The following ARMH3 variants were observed in gnomAD, a reference collection of about 807,000 sequenced individuals.
ARMH3 encodes armadillo like helical domain containing 3.
ARMH3 carries 60 observed loss-of-function variants against 99.1 expected under a neutral mutation model. That is an observed-to-expected ratio of 0.61 (90% CI 0.49 to 0.75). ARMH3 has a LOEUF of 0.75. Ranked by LOEUF, ARMH3 falls within the 30% of genes least tolerant of loss-of-function variation. The pLI, the probability that ARMH3 is intolerant of heterozygous loss-of-function variation, is 0.00. For missense variants in ARMH3, 679 were observed against 843.1 expected (o/e 0.81, Z 2.41); for synonymous variants, 285 against 292.8 (o/e 0.97, Z 0.27).
chr10:101,957,656 G>T lies in ARMH3; in HGVS notation c.1572C>A (p.Ala524=). 1.9e-6 allele frequency: 3 copies of T among 1,608,846 alleles called. No homozygotes were observed. Among genetic ancestry groups the T allele is most frequent in the Non-Finnish European group, 2.5e-6 (3 of 1,178,350 alleles). The stretch of plus-strand genomic sequence containing the variant: ...TATTTGTTTTGATACTCACCATAAG[G>T]GCTAATGTAAAAATGTTGTGTTTGG... ...LLAKHNIFTL[A]LMIVNLFNMF... Residue 524 remains alanine, a synonymous_variant, in exon 21 of 26, where the codon GCC becomes GCA. Coordinates refer to ENST00000370033, the MANE Select transcript of ARMH3 (RefSeq NM_024541.3).
chr10:102,033,795 TTG>T (rs2067189815), intron 2 of ARMH3, among the ~76,000 whole-genome samples: 1 of 152,192 alleles, frequency 6.6e-6, no homozygotes, highest in Non-Finnish European at 1.5e-5. Flanking sequence ...ACTTATCTCT[TTG>T]TGTTTTTTTT....
Position 101,865,702 on chromosome 10 carries a change from T to C in ARMH3, c.1861-15810A>G, listed in dbSNP as rs964272467. Reference sequence around the variant, plus strand: ...TGGGGTTTCCCCATGCTGGCCAGGCTGGTCTTGAACTCCTGACCTCAGATG... The same window carrying C: ...TGGGGTTTCCCCATGCTGGCCAGGCCGGTCTTGAACTCCTGACCTCAGATG... On this transcript the variant is annotated intron_variant, in intron 24 of 25. Coordinates refer to ENST00000370033, the MANE Select transcript of ARMH3 (RefSeq NM_024541.3). 3.3e-5 allele frequency among the ~76,000 whole-genome samples: 5 copies of C among 151,618 alleles called. No homozygotes were observed. In the East Asian group the frequency reaches 1.0e-3, roughly 30 times the overall value.
In ARMH3 at chr10:101,956,667, G is replaced by A. The variant is rs1305034629; in HGVS notation, c.1635C>T (p.Pro545=). The change falls in exon 22 of 26, where the codon CCC becomes CCT. Residue 545 remains proline (P), a synonymous_variant. Transcript: ENST00000370033. ...ITYGDTFLPT[P]SSYDELYYEI... ...CATAGTAAAGTTCATCATAGCTGCT[G>A]GGGGTTGGCAGAAATGTGTCGCCAT... 1.2e-6 allele frequency: 2 copies of A among 1,613,738 alleles called. No individual in the cohort carries two copies. Among genetic ancestry groups the A allele is most frequent in the Non-Finnish European group, 1.7e-6 (2 of 1,179,674 alleles).
At chr10:101,996,993 A>G (rs4291608) in intron 15 of ARMH3, among the ~76,000 whole-genome samples, 107,965 of 152,078 alleles carry the variant, frequency 0.71, 39,840 homozygotes, top group African/African-American at 0.92. Flanking sequence ...GGCTGGGCTC[A>G]GTGGCTCACA....
intron 23 of ARMH3, among the ~76,000 whole-genome samples, chr10:101,932,409 T>C (rs1843758749): frequency 6.6e-6 from 1 of 152,246 alleles, no homozygotes; most frequent in African/African-American, 2.4e-5. Flanking sequence ...ATAACACTTC[T>C]GGGTACATAC....
chr10:101,961,486 T>C (rs932237670), intron 20 of ARMH3, among the ~76,000 whole-genome samples: 2 of 152,174 alleles, frequency 1.3e-5, no homozygotes, highest in African/African-American at 4.8e-5. Flanking sequence ...AATATGGGTA[T>C]AAACAATTAA....
chr10:101,923,085 C>T (rs1437715510), intron 23 of ARMH3, among the ~76,000 whole-genome samples: 1 of 152,050 alleles, frequency 6.6e-6, no homozygotes, highest in Non-Finnish European at 1.5e-5. Context: ...AACAGGAGCC[C>T]ACTTTGCTAG....
At chr10:101,970,662 A>T (rs1290943604) in intron 20 of ARMH3, among the ~76,000 whole-genome samples, 1 of 151,982 alleles carries the variant, frequency 6.6e-6, no homozygotes, top group Non-Finnish European at 1.5e-5. Flanking sequence ...TCTCTAAAAA[A>T]AAAAATACAA....
chr10:101,992,194 T>C (rs986502532), intron 17 of ARMH3, among the ~76,000 whole-genome samples, 156 bp from the exon 18 acceptor site: 1 of 152,136 alleles, frequency 6.6e-6, no homozygotes, highest in Non-Finnish European at 1.5e-5. Flanking sequence ...TGAGGTAGCA[T>C]GGGATGAGGC....
intron 24 of ARMH3, among the ~76,000 whole-genome samples, chr10:101,882,586 G>C (rs1353031884): frequency 6.6e-6 from 1 of 152,198 alleles, no homozygotes; most frequent in Non-Finnish European, 1.5e-5. Flanking sequence ...TGCAATCTCT[G>C]CCTCTCAAGT....
At chr10:101,954,929 T>C (rs938094793) in intron 22 of ARMH3, among the ~76,000 whole-genome samples, 6 of 152,212 alleles carry the variant, frequency 3.9e-5, no homozygotes, top group Non-Finnish European at 7.3e-5. Flanking sequence ...TATGGCCCAG[T>C]TGAGCAGGTA....
intron 23 of ARMH3, among the ~76,000 whole-genome samples, chr10:101,892,624 A>T (rs1032183407): frequency 1.3e-5 from 2 of 152,210 alleles, no homozygotes; most frequent in Non-Finnish European, 2.9e-5. Context: ...CTTAAAAAAA[A>T]ATACCAATCC....
In ARMH3 at chr10:102,034,802, G is replaced by A. The variant is rs2067211100; in HGVS notation, c.103-1463C>T. The stretch of plus-strand genomic sequence containing the variant: ...CCATGCCTGTAATCCCAGCTACTCG[G>A]GAGGCTGAGGCAGGAGAATCGCTTG... On this transcript the variant is annotated intron_variant, in intron 2 of 25. Transcript: ENST00000370033. Among the ~76,000 whole-genome samples, 3 of 152,276 alleles carry A rather than the reference G, an allele frequency of 2.0e-5. No individual in the cohort carries two copies. The South Asian group carries it at 6.2e-4, about 32-fold the overall frequency.
intron 15 of ARMH3, among the ~76,000 whole-genome samples, chr10:101,999,649 T>C (rs1327619439): frequency 2.0e-5 from 3 of 152,324 alleles, no homozygotes; most frequent in Non-Finnish European, 4.4e-5. Flanking sequence ...AAATATTACA[T>C]GATACTACAG....
intron 12 of ARMH3, 104 bp from the exon 13 acceptor site, chr10:102,009,553 A>T (rs1323799580): frequency 2.0e-6 from 2 of 1,000,368 alleles, no homozygotes; most frequent in Non-Finnish European, 3.1e-6. Context: ...CCTCATTATC[A>T]ATTCCTTTGC....
chr10:102,019,879 G>C (rs2066839448), intron 8 of ARMH3, among the ~76,000 whole-genome samples: 1 of 145,544 alleles, frequency 6.9e-6, no homozygotes, highest in African/African-American at 2.6e-5. Flanking sequence ...AGTGAGCCAA[G>C]ATCACGCCAC....
chr10:101,918,634 A>ATGGCC (rs1208104298), intron 23 of ARMH3, among the ~76,000 whole-genome samples: 1 of 152,230 alleles, frequency 6.6e-6, no homozygotes, highest in East Asian at 1.9e-4. Context: ...AAGCAACAGT[A>ATGGCC]TGGCCTGATT....
intron 24 of ARMH3, among the ~76,000 whole-genome samples, chr10:101,866,899 AAAAC>A (rs1038120805): frequency 9.7e-4 from 148 of 152,300 alleles, no homozygotes; most frequent in African/African-American, 1.0e-3. Context: ...TCTGTCTGTA[AAAAC>A]AAACAAACAA....
At chr10:101,899,800 A>G (rs929563101) in intron 23 of ARMH3, among the ~76,000 whole-genome samples, 6 of 152,278 alleles carry the variant, frequency 3.9e-5, no homozygotes, top group African/African-American at 1.4e-4. Context: ...TCCCTCCATA[A>G]ATTATACTAC....
Sources: allele counts gnomAD v4.1 joint callset (sites outside exome capture counted in the v4.1 genomes callset), GRCh38; gene constraint gnomAD v4.1.1; transcripts MANE v1.5; gene names NCBI Gene and HGNC (gene_info 2026-07-23, HGNC 2026-07-21).